The following PRKAG2 variants were observed in gnomAD, a reference collection of about 807,000 sequenced individuals.
PRKAG2 encodes protein kinase AMP-activated non-catalytic subunit gamma 2.
Under a neutral mutation model 69.6 loss-of-function variants are expected in PRKAG2, and 26 were observed. That is an observed-to-expected ratio of 0.37 (90% confidence interval 0.27 to 0.52). The LOEUF is 0.52. PRKAG2 is among the 20% of genes least tolerant of loss of function. The probability of loss-of-function intolerance (pLI) is 0.90; values close to 1 mark genes in which losing one functional copy is unlikely to be tolerated. For synonymous variants in PRKAG2, 293 were observed against 285.0 expected (o/e 1.03, Z -0.28); for missense variants, 557 against 740.0 (o/e 0.75, Z 2.87).
chr7:151,577,929 C>T (rs1287854113), intron 6 of PRKAG2, among the ~76,000 whole-genome samples: 3 of 149,334 alleles, frequency 2.0e-5, no homozygotes, highest in Non-Finnish European at 4.4e-5. Context: ...TAAACTGATA[C>T]ATTAAGAAGC....
intron 4 of PRKAG2, among the ~76,000 whole-genome samples, chr7:151,659,515 C>T (rs761631745): frequency 6.0e-4 from 92 of 152,176 alleles, no homozygotes; most frequent in Non-Finnish European, 1.1e-3. Context: ...CTTCTCACAC[C>T]ACGCAGATAT....
chr7:151,632,128 GC>G lies in PRKAG2; in HGVS notation c.694del (p.Ala232ArgfsTer22). Reference protein sequence around the residue: ...HYAPSKAAALAAALGPAEAGM... With the variant: ...HYAPSKAAALXAALGPAEAGM... ...GGCTTCCGCGGGTCCCAGGGCCGCC[GC>G]CAGCGCCGCCTGAGGGGGAGGAGGA... On this transcript the variant is annotated frameshift_variant, in exon 5 of 16. Coordinates refer to ENST00000287878, the MANE Select transcript of PRKAG2 (RefSeq NM_016203.4). LOFTEE classifies it high-confidence loss of function. This position sits in a 1 kb window ranked among gnomAD's most constrained non-coding sequence, Gnocchi z 4.2. 1.4e-6 allele frequency: 2 copies of G among 1,403,882 alleles called. No homozygotes were observed. The highest frequency in any genetic ancestry group is 1.4e-5 in the South Asian group (1 of 70,672). The allele number at this position is 1,403,882 out of a possible 1,614,324, so 87.0% of individuals were successfully genotyped here.
intron 4 of PRKAG2, among the ~76,000 whole-genome samples, chr7:151,671,131 G>A (rs886938990): frequency 2.8e-5 from 4 of 144,392 alleles, no homozygotes; most frequent in East Asian, 4.0e-4. Context: ...CTGAGATCGC[G>A]GCAAGGCACT....
chr7:151,776,164 A>ATGTTGGT (rs2076336289), intron 3 of PRKAG2, among the ~76,000 whole-genome samples: 1 of 152,192 alleles, frequency 6.6e-6, no homozygotes, highest in Non-Finnish European at 1.5e-5. Flanking sequence ...CAAGGGCACC[A>ATGTTGGT]ACATGAGCAA....
intron 3 of PRKAG2, among the ~76,000 whole-genome samples, chr7:151,759,427 C>T (rs1309099312): frequency 1.3e-5 from 2 of 152,196 alleles, no homozygotes; most frequent in Non-Finnish European, 2.9e-5. Context: ...GAATGGTATC[C>T]CCACGAGGGC....
chr7:151,646,882 C>T (rs1040846295), intron 4 of PRKAG2, among the ~76,000 whole-genome samples: 4 of 152,232 alleles, frequency 2.6e-5, no homozygotes, highest in Non-Finnish European at 5.9e-5. Flanking sequence ...GACGTGTGCA[C>T]ACTGGAGCCA....
At chr7:151,711,235 TAA>T (rs1795253840) in intron 3 of PRKAG2, among the ~76,000 whole-genome samples, 2 of 150,940 alleles carry the variant, frequency 1.3e-5, no homozygotes, top group Admixed American at 6.6e-5. Context: ...CTTAAAGTGC[TAA>T]GAGTACTAGG....
At chr7:151,656,003 C>A (rs1276127150) in intron 4 of PRKAG2, among the ~76,000 whole-genome samples, 1 of 152,202 alleles carries the variant, frequency 6.6e-6, no homozygotes, top group Non-Finnish European at 1.5e-5. Context: ...ATTTCATTAA[C>A]AGCAATACAG....
chr7:151,655,371 C>A (rs1481178131), intron 4 of PRKAG2, among the ~76,000 whole-genome samples: 1 of 152,190 alleles, frequency 6.6e-6, no homozygotes, highest in Admixed American at 6.5e-5. Flanking sequence ...CTGCTGGACC[C>A]TAACACAGCC....
At chr7:151,806,339 G>T (rs1221454656) in intron 1 of PRKAG2, among the ~76,000 whole-genome samples, 1 of 152,260 alleles carries the variant, frequency 6.6e-6, no homozygotes, top group Non-Finnish European at 1.5e-5. Context: ...GCAGAGGCCA[G>T]TGGTGAAGGC....
In PRKAG2 at chr7:151,870,651, C is replaced by G. The variant is rs553708332; in HGVS notation, c.114+5856G>C. 5.3e-5 allele frequency among the ~76,000 whole-genome samples: 8 copies of G among 152,314 alleles called. No individual in the cohort carries two copies. In the South Asian group the frequency reaches 1.7e-3, roughly 32 times the overall value. Reference sequence around the variant, plus strand: ...CAGCCCCGGGGCAGGACGGGGCTCCCCTTCCCACCCTCATCCTGGAGTTCC... The same window carrying G: ...CAGCCCCGGGGCAGGACGGGGCTCCGCTTCCCACCCTCATCCTGGAGTTCC... On this transcript the variant is annotated intron_variant, in intron 1 of 15. Transcript: ENST00000287878.
chr7:151,871,569 T>C lies in PRKAG2; in HGVS notation c.114+4938A>G, dbSNP rs76218710. 2.8e-3 allele frequency among the ~76,000 whole-genome samples: 428 copies of C among 152,338 alleles called. 2 individuals are homozygous for C. Among genetic ancestry groups the C allele is most frequent in the African/African-American group, 9.4e-3 (392 of 41,568 alleles). On this transcript the variant is annotated intron_variant, in intron 1 of 15. Coordinates refer to ENST00000287878, the MANE Select transcript of PRKAG2 (RefSeq NM_016203.4). ...AAGCCAAGCAAGGCGACACCTTCGT[T>C]AGGTCCAAGGGCCACGTTCCCTTCC...
intron 1 of PRKAG2, among the ~76,000 whole-genome samples, chr7:151,827,978 T>C (rs2078946725): frequency 6.6e-6 from 1 of 152,046 alleles, no homozygotes; most frequent in African/African-American, 2.4e-5. Flanking sequence ...TCCCTTCCCA[T>C]CCAGTCCAGA....
chr7:151,589,995 G>A (rs991788580), intron 6 of PRKAG2, among the ~76,000 whole-genome samples: 2 of 152,220 alleles, frequency 1.3e-5, no homozygotes, highest in African/African-American at 4.8e-5. Context: ...AGGAACAGAG[G>A]ACTTGGAATT....
intron 3 of PRKAG2, among the ~76,000 whole-genome samples, chr7:151,751,020 T>A (rs191131305): frequency 6.6e-6 from 1 of 152,204 alleles, no homozygotes; most frequent in Non-Finnish European, 1.5e-5. Flanking sequence ...AGTATGCTCA[T>A]GCTATTGTCT....
At chr7:151,587,552 A>T (rs141851424) in intron 6 of PRKAG2, among the ~76,000 whole-genome samples, 11 of 152,320 alleles carry the variant, frequency 7.2e-5, no homozygotes, top group South Asian at 2.1e-4. Flanking sequence ...CACAGGCAGT[A>T]AGCACCCTGG....
At position 151,786,458 on chromosome 7, in the gene PRKAG2, A is replaced by G. The variant is rs374155169; in HGVS notation, c.186+12T>C. 3 of 1,606,700 alleles carry G rather than the reference A, an allele frequency of 1.9e-6. No individual in the cohort carries two copies. The highest frequency in any genetic ancestry group is 2.7e-5 in the African/African-American group (2 of 74,870). ...AGTGAGCTGTGAGAAACTTCTGGAAAGGAGGTCTTACCTTTCGAGAGGAAT... is the reference window on the plus strand; with the variant it reads ...AGTGAGCTGTGAGAAACTTCTGGAAGGGAGGTCTTACCTTTCGAGAGGAAT... On this transcript the variant is annotated intron_variant, in intron 2 of 15. Coordinates refer to ENST00000287878, the MANE Select transcript of PRKAG2 (RefSeq NM_016203.4).
At chr7:151,760,593 G>A (rs144167361) in intron 3 of PRKAG2, among the ~76,000 whole-genome samples, 68 of 152,274 alleles carry the variant, frequency 4.5e-4, no homozygotes, top group Non-Finnish European at 4.4e-4. Flanking sequence ...TTTTGCTAAT[G>A]TGCACTTAGC....
intron 3 of PRKAG2, among the ~76,000 whole-genome samples, chr7:151,753,550 T>C (rs551459109): frequency 9.2e-5 from 14 of 152,264 alleles, no homozygotes; most frequent in African/African-American, 3.4e-4. Flanking sequence ...TGACTTTATG[T>C]TTGAAATTGT....
Sources: gnomAD v4.1 joint callset for allele counts (sites outside exome capture counted in the v4.1 genomes callset) on GRCh38, gnomAD v4.1.1 for gene constraint, Gnocchi (gnomAD v3.1) non-coding constraint, MANE v1.5 for transcripts, NCBI Gene and HGNC (gene_info 2026-07-23, HGNC 2026-07-21) for gene names.